The following CDH13 variants were observed in gnomAD, a reference collection of about 807,000 sequenced individuals.
The protein encoded by CDH13 is cadherin-13.
CDH13 carries 24 observed loss-of-function variants against 63.8 expected under a neutral mutation model. The observed-to-expected ratio is 0.38, with a 90% CI of 0.27 to 0.53. The LOEUF (loss-of-function observed/expected upper bound fraction) is 0.53, where lower values mean the gene tolerates loss of function less well. CDH13 is among the 20% of genes least tolerant of loss of function. CDH13 has a pLI of 0.85. For synonymous variants in CDH13, 503 were observed against 355.3 expected, an observed-to-expected ratio of 1.42 and a Z score of -4.67; for missense variants, 1,049 against 903.1, an observed-to-expected ratio of 1.16 and a Z score of -2.07.
chr16:83,370,792 G>C (rs1157805175), intron 6 of CDH13, among the ~76,000 whole-genome samples: 2 of 152,138 alleles, frequency 1.3e-5, no homozygotes, highest in Non-Finnish European at 2.9e-5. Context: ...TCACTGCAAA[G>C]GACATGATCT....
At chr16:83,537,653 A>G (rs1487148336) in intron 7 of CDH13, among the ~76,000 whole-genome samples, 1 of 152,198 alleles carries the variant, frequency 6.6e-6, no homozygotes, top group East Asian at 1.9e-4. Context: ...CAGGAAAAAA[A>G]AAGTGTTGCA....
intron 1 of CDH13, among the ~76,000 whole-genome samples, chr16:82,801,305 A>G (rs931609241): frequency 9.2e-5 from 14 of 152,220 alleles, no homozygotes; most frequent in Non-Finnish European, 2.1e-4. Context: ...TCCACGAATC[A>G]TTGTCCCCTT....
chr16:82,761,024 T>C (rs1481196586), intron 1 of CDH13, among the ~76,000 whole-genome samples: 9 of 79,976 alleles, frequency 1.1e-4, no homozygotes, highest in South Asian at 4.5e-4. Context: ...TTTCTTTTTT[T>C]TTTTTTTTTT....
At chr16:83,375,697 C>T (rs942863490) in intron 6 of CDH13, among the ~76,000 whole-genome samples, 1 of 152,164 alleles carries the variant, frequency 6.6e-6, no homozygotes, top group Admixed American at 6.5e-5. Context: ...ATCTAGAAGG[C>T]TCCCAGGCAG....
chr16:83,747,220 C>G (rs1912664473), intron 10 of CDH13, among the ~76,000 whole-genome samples: 1 of 152,210 alleles, frequency 6.6e-6, no homozygotes, highest in African/African-American at 2.4e-5. Context: ...AATAGTTTGG[C>G]TGTGTCCTCA....
At chr16:82,827,482 G>A (rs1339019591) in intron 1 of CDH13, among the ~76,000 whole-genome samples, 1 of 152,192 alleles carries the variant, frequency 6.6e-6, no homozygotes, top group African/African-American at 2.4e-5. Flanking sequence ...ATGAGGCAGT[G>A]ATGATGTGAG....
intron 5 of CDH13, among the ~76,000 whole-genome samples, chr16:83,252,510 A>T (rs1905704396): frequency 1.3e-5 from 2 of 152,098 alleles, no homozygotes; most frequent in Admixed American, 6.6e-5. Flanking sequence ...TCTTAAAGTG[A>T]ATTCCGTTAT....
At chr16:83,732,463 T>G (rs1324243736) in intron 10 of CDH13, among the ~76,000 whole-genome samples, 1 of 151,932 alleles carries the variant, frequency 6.6e-6, no homozygotes, top group Non-Finnish European at 1.5e-5. Context: ...GCCACAAAGG[T>G]TTTGAAGCCT....
chr16:83,764,813 C>T (rs1314975598), intron 11 of CDH13, among the ~76,000 whole-genome samples: 3 of 152,118 alleles, frequency 2.0e-5, no homozygotes, highest in Non-Finnish European at 2.9e-5. Context: ...CCTGCCTTCC[C>T]TGAAGCCCTC....
intron 6 of CDH13, among the ~76,000 whole-genome samples, chr16:83,379,874 T>TTA (rs1019633573): frequency 5.5e-4 from 82 of 149,956 alleles, no homozygotes; most frequent in African/African-American, 2.0e-3. Flanking sequence ...TCTATAAAGA[T>TTA]TATATGTGTG....
intron 1 of CDH13, among the ~76,000 whole-genome samples, chr16:82,725,523 G>A (rs768982337): frequency 3.9e-5 from 6 of 152,146 alleles, no homozygotes; most frequent in Non-Finnish European, 2.9e-5. Context: ...CCACATTTAG[G>A]TGTTTTAAGG....
chr16:83,067,317 A>G (rs746619073), intron 3 of CDH13, among the ~76,000 whole-genome samples: 2 of 152,152 alleles, frequency 1.3e-5, no homozygotes, highest in African/African-American at 2.4e-5. Flanking sequence ...AGGAATACCT[A>G]CTGTCTACTT....
chr16:83,107,820 T>C (rs946383294), intron 3 of CDH13, among the ~76,000 whole-genome samples: 9 of 151,956 alleles, frequency 5.9e-5, no homozygotes, highest in Non-Finnish European at 1.2e-4. Context: ...TTTCTTTTCC[T>C]TTTGCTTTTC....
At chr16:82,825,537 AACTTTT>A (rs2038202493) in intron 1 of CDH13, 1 of 143,180 alleles carries the variant, frequency 7.0e-6, no homozygotes, top group Non-Finnish European at 1.5e-5. Context: ...AAACAATATT[AACTTTT>A]TTTTTTTTTT....
chr16:83,272,456 A>T (rs2088854229), intron 5 of CDH13, among the ~76,000 whole-genome samples: 1 of 152,224 alleles, frequency 6.6e-6, no homozygotes, highest in South Asian at 2.1e-4. Context: ...CTTACTACTT[A>T]ATACCACACG....
intron 6 of CDH13, among the ~76,000 whole-genome samples, chr16:83,427,100 G>A (rs2071933953): frequency 6.6e-6 from 1 of 151,268 alleles, no homozygotes; most frequent in South Asian, 2.1e-4. Flanking sequence ...CTAATATTTT[G>A]TATTTTGGGT....
intron 8 of CDH13, among the ~76,000 whole-genome samples, chr16:83,644,017 C>G (rs546389568): frequency 2.6e-5 from 4 of 152,200 alleles, no homozygotes; most frequent in Admixed American, 6.5e-5. Context: ...TAAGCTGTAA[C>G]GAGGGCAGCT....
chr16:82,702,200 T>C (rs539753040), intron 1 of CDH13, among the ~76,000 whole-genome samples: 140 of 152,290 alleles, frequency 9.2e-4, no homozygotes, highest in African/African-American at 3.3e-3. Flanking sequence ...CTGTGGCTGT[T>C]GCAGATGTGT....
intron 5 of CDH13, among the ~76,000 whole-genome samples, chr16:83,249,207 G>C (rs1159503183): frequency 1.3e-5 from 2 of 152,168 alleles, no homozygotes; most frequent in Non-Finnish European, 2.9e-5. Context: ...TTATTGACCA[G>C]ACTAAGGAGA....
Sources: allele counts gnomAD v4.1 joint callset (sites outside exome capture counted in the v4.1 genomes callset), GRCh38; gene constraint gnomAD v4.1.1; transcripts MANE v1.5; gene names NCBI Gene and HGNC (gene_info 2026-07-23, HGNC 2026-07-21).